The following TXNL1 variants were observed in gnomAD, a reference collection of about 807,000 sequenced individuals.
TXNL1 encodes thioredoxin-like protein 1.
TXNL1 carries 14 observed loss-of-function variants against 35.5 expected under a neutral mutation model. The observed-to-expected ratio is 0.39, with a 90% CI of 0.26 to 0.62. TXNL1 has a LOEUF of 0.62. Ranked by LOEUF, TXNL1 falls within the 20% of genes least tolerant of loss-of-function variation. The pLI is 0.47. For missense variants in TXNL1, 263 were observed against 349.7 expected, an observed-to-expected ratio of 0.75 and a Z score of 1.98; for synonymous variants, 110 against 115.5, an observed-to-expected ratio of 0.95 and a Z score of 0.31.
intron 7 of TXNL1, 123 bp downstream of exon 7, chr18:56,610,870 T>C: frequency 1.6e-6 from 1 of 627,630 alleles, no homozygotes; most frequent in East Asian, 3.5e-5. Flanking sequence ...CCTTGTAAAA[T>C]TTCATGACAT....
chr18:56,600,585 G>GAGAC lies in TXNL1; in HGVS notation c.*2438_*2441dup, dbSNP rs2023799352. 6.6e-6 allele frequency: 1 copy of GAGAC among 150,832 alleles called. No homozygotes were observed. Among genetic ancestry groups the GAGAC allele is most frequent in the Non-Finnish European group, 1.5e-5 (1 of 67,868 alleles). 9.3% of individuals were successfully genotyped at this position (150,832 alleles called of 1,614,324 possible). A position where few individuals can be genotyped will look rare whatever the true frequency, so the allele number is the denominator to read the frequency against. Reference sequence around the variant, plus strand: ...ATGTGGCTGCCTCCAACAGTATATTGAGACTGGGGAACAACGTGGGGCAGG... The same window carrying GAGAC: ...ATGTGGCTGCCTCCAACAGTATATTGAGACAGACTGGGGAACAACGTGGGGCAGG... On this transcript the variant is annotated 3_prime_UTR_variant, in exon 8 of 8. Transcript: ENST00000217515.
In TXNL1 at chr18:56,601,629, T is replaced by C. The variant is rs745605792; in HGVS notation, c.*1398A>G. 2 of 152,178 alleles carry C rather than the reference T, an allele frequency of 1.3e-5. No individual in the cohort carries two copies. The highest frequency in any genetic ancestry group is 4.1e-4 in the South Asian group (2 of 4,836). 9.4% of individuals were successfully genotyped at this position (152,178 alleles called of 1,614,324 possible). ...CACTTGGGTTTCAGAAAGGGACTCTTTCAACACTAAAACTTCTGTAGAATT... is the reference window on the plus strand; with the variant it reads ...CACTTGGGTTTCAGAAAGGGACTCTCTCAACACTAAAACTTCTGTAGAATT... On this transcript the variant is annotated 3_prime_UTR_variant, in exon 8 of 8. Transcript: ENST00000217515.
intron 1 of TXNL1, among the ~76,000 whole-genome samples, chr18:56,630,604 T>G (rs2024355331): frequency 6.6e-6 from 1 of 152,214 alleles, no homozygotes; most frequent in South Asian, 2.1e-4. Flanking sequence ...AACTTCCATA[T>G]CACATTGACA....
In TXNL1 at chr18:56,599,356, T is replaced by A. The variant is rs1019295445; in HGVS notation, c.*3671A>T. On this transcript the variant is annotated 3_prime_UTR_variant, in exon 8 of 8. Transcript: ENST00000217515. ...ATGCTTAAAATGACATCAGTAGTCTTCCTTAAGAAGTATAGGCTTAACTGG... is the reference window on the plus strand; with the variant it reads ...ATGCTTAAAATGACATCAGTAGTCTACCTTAAGAAGTATAGGCTTAACTGG... The A allele has an allele frequency of 3.3e-5, 5 of 152,126 alleles. No individual in the cohort carries two copies. The highest frequency in any genetic ancestry group is 7.2e-5 in the African/African-American group (3 of 41,420). The allele number at this position is 152,126 out of a possible 1,614,324, so 9.4% of individuals were successfully genotyped here. A position where few individuals can be genotyped will look rare whatever the true frequency, so the allele number is the denominator to read the frequency against.
intron 1 of TXNL1, among the ~76,000 whole-genome samples, chr18:56,630,246 T>A (rs375773033): frequency 3.8e-4 from 57 of 148,716 alleles, no homozygotes; most frequent in African/African-American, 1.1e-3. Flanking sequence ...AGGAAAAAGA[T>A]GGACATCCCA....
chr18:56,611,113 T>C lies in TXNL1; in HGVS notation c.736-16A>G, dbSNP rs749033657. ...GAACAAATATCTACCAAAAAAAAGT[T>C]TGCATTTATAATTACAATCCTTCTT... On this transcript the variant is annotated splice_polypyrimidine_tract_variant and intron_variant, in intron 6 of 7. Transcript: ENST00000217515. The C allele has an allele frequency of 1.1e-5, 17 of 1,548,452 alleles. No individual in the cohort carries two copies. The highest frequency in any genetic ancestry group is 5.7e-5 in the Admixed American group (3 of 52,924).
chr18:56,612,087 G>C (rs2024006103), intron 6 of TXNL1, among the ~76,000 whole-genome samples: 2 of 143,448 alleles, frequency 1.4e-5, no homozygotes, highest in South Asian at 4.4e-4. Context: ...GGGTGGTCTC[G>C]AACTTCTGAG....
intron 7 of TXNL1, among the ~76,000 whole-genome samples, chr18:56,608,117 T>G (rs1382986524): frequency 6.6e-6 from 1 of 152,176 alleles, no homozygotes; most frequent in Non-Finnish European, 1.5e-5. Flanking sequence ...AAGGAGAGAC[T>G]ATTGTACTAG....
Position 56,606,147 on chromosome 18 carries a change from G to A in TXNL1, c.841-3091C>T, listed in dbSNP as rs187784892. 3.6e-3 allele frequency among the ~76,000 whole-genome samples: 547 copies of A among 152,234 alleles called. 4 individuals carry two copies. The highest frequency in any genetic ancestry group is 0.013 in the African/African-American group (531 of 41,540). On this transcript the variant is annotated intron_variant, in intron 7 of 7. Coordinates refer to ENST00000217515, the MANE Select transcript of TXNL1 (RefSeq NM_004786.3). ...TCCCAGCACTTTGGGAGGCCCAGGC[G>A]GGCGGATCAACGAGGTCAGGAGATC...
chr18:56,614,116 G>C (rs1040603447), intron 6 of TXNL1, among the ~76,000 whole-genome samples: 1 of 152,034 alleles, frequency 6.6e-6, no homozygotes, highest in Middle Eastern at 3.2e-3. Flanking sequence ...TACTATACCA[G>C]GTATAAAGAA....
rs564069436 is a variant in TXNL1 at position 56,601,009 on chromosome 18, G to C, written c.*2018C>G. The C allele has an allele frequency of 2.6e-5, 4 of 152,244 alleles. No individual in the cohort carries two copies. In the East Asian group the frequency reaches 7.7e-4, roughly 29 times the overall value. The allele number at this position is 152,244 out of a possible 1,614,324, so 9.4% of individuals were successfully genotyped here. On this transcript the variant is annotated 3_prime_UTR_variant, in exon 8 of 8. Coordinates refer to ENST00000217515, the MANE Select transcript of TXNL1 (RefSeq NM_004786.3). The stretch of plus-strand genomic sequence containing the variant: ...CAAGAAACTGAATACCAGTTTTCTA[G>C]ATGCACTAATAAATAACTTCAGTTA...
chr18:56,606,316 G>C (rs1568098045), intron 7 of TXNL1, among the ~76,000 whole-genome samples: 1 of 152,050 alleles, frequency 6.6e-6, no homozygotes, highest in African/African-American at 2.4e-5. Flanking sequence ...GGCAGAGCTT[G>C]CAGTGAGCCG....
chr18:56,616,364 T>C (rs1431682617), intron 4 of TXNL1, 50 bp from the exon 5 acceptor site: 4 of 1,470,044 alleles, frequency 2.7e-6, no homozygotes, highest in Non-Finnish European at 3.7e-6. Context: ...ACACCTTGAG[T>C]ACATAAACTA....
intron 1 of TXNL1, among the ~76,000 whole-genome samples, chr18:56,628,265 G>A (rs1270875181): frequency 6.6e-6 from 1 of 152,158 alleles, no homozygotes; most frequent in Non-Finnish European, 1.5e-5. Context: ...TATACTGTGA[G>A]AGTGCAAGCT....
In TXNL1 at chr18:56,624,340, T is replaced by A. The variant is rs748039755; in HGVS notation, c.317A>T (p.His106Leu). The A allele has an allele frequency of 6.2e-7, 1 of 1,613,954 alleles. No individual in the cohort carries two copies. Among genetic ancestry groups the A allele is most frequent in the Non-Finnish European group, 8.5e-7 (1 of 1,179,914 alleles). ...AVGLEEKIKQ[H>L]LENDPGSNED... ...ATTGCTTCCAGGGTCATTTTCTAAG[T>A]GCTGCTTGATTTTTTCTTCTAATCC... Residue 106 changes from histidine (H) to leucine (L), a missense_variant, in exon 3 of 8, where the codon CAC becomes CTC. By Grantham distance (99) the His-to-Leu change is moderately conservative. Transcript: ENST00000217515.
At position 56,614,578 on chromosome 18, in the gene TXNL1, A is replaced by G; in HGVS notation, c.581T>C (p.Val194Ala). Residue 194 changes from valine (V) to alanine (A), a missense_variant, in exon 6 of 8, where the codon GTA (valine) becomes GCA (alanine). By Grantham distance (64) the Val-to-Ala change is moderately conservative. Transcript: ENST00000217515. ...GPDNGQGPKY[V>A]KIFINLPRSM... is the part of the protein sequence containing the mutation. The stretch of plus-strand genomic sequence containing the variant: ...TCGGGGTAGGTTGATAAAAATTTTT[A>G]CATATTTAGGGCCCTGACCTATACA... 1.9e-6 allele frequency: 3 copies of G among 1,613,316 alleles called. No individual in the cohort carries two copies. The highest frequency in any genetic ancestry group is 2.5e-6 in the Non-Finnish European group (3 of 1,179,778).
In TXNL1 at chr18:56,638,546, G is replaced by C; in HGVS notation, c.-106C>G. ...GAGATGCTCAGGAAGGCCGAGGCCT[G>C]GACAGAAGAGGTGGCGACCGCCGAG... On this transcript the variant is annotated 5_prime_UTR_variant, in exon 1 of 8. Transcript: ENST00000217515. 3 of 1,168,088 alleles carry C rather than the reference G, an allele frequency of 2.6e-6. No homozygotes were observed. Among genetic ancestry groups the C allele is most frequent in the Non-Finnish European group, 3.5e-6 (3 of 849,646 alleles). The allele number at this position is 1,168,088 out of a possible 1,614,324, so 72.4% of individuals were successfully genotyped here.
At chr18:56,637,093 T>C (rs552413001) in intron 1 of TXNL1, among the ~76,000 whole-genome samples, 56 of 152,320 alleles carry the variant, frequency 3.7e-4, no homozygotes, top group African/African-American at 1.2e-3. Flanking sequence ...CCATATGAAA[T>C]GCAAGGTACT....
chr18:56,614,806 G>T (rs978300510), intron 5 of TXNL1, among the ~76,000 whole-genome samples: 11 of 151,980 alleles, frequency 7.2e-5, no homozygotes, highest in African/African-American at 2.7e-4. Context: ...CTTCTTGGCC[G>T]AGCTAACACT....
Sources: allele counts gnomAD v4.1 joint callset (sites outside exome capture counted in the v4.1 genomes callset), GRCh38; gene constraint gnomAD v4.1.1; transcripts MANE v1.5; gene names NCBI Gene and HGNC (gene_info 2026-07-23, HGNC 2026-07-21).